Variants in ZNF248 observed in about 807,000 individuals in gnomAD.
The protein encoded by ZNF248 is zinc finger protein 248.
In ZNF248, 20 loss-of-function variants were observed where a neutral mutation model predicts 44.3. That is an observed-to-expected ratio of 0.45 (90% CI 0.32 to 0.66). ZNF248 has a LOEUF of 0.66. Among genes scored for constraint, ZNF248 ranks in the 30% least tolerant of loss-of-function variants. The pLI, the probability that ZNF248 is intolerant of heterozygous loss-of-function variation, is 0.04. For missense variants in ZNF248, 654 were observed against 677.0 expected (o/e 0.97, Z 0.38); for synonymous variants, 224 against 229.0 (o/e 0.98, Z 0.20).
chr10:37,777,998 G>A (rs1403537977), intron 6 of ZNF248, among the ~76,000 whole-genome samples: 174 of 151,926 alleles, frequency 1.1e-3, no homozygotes, highest in African/African-American at 3.8e-3. Context: ...ATAAACATAC[G>A]TGTGCATGTG....
At chr10:37,817,214 C>T (rs563132192) in intron 6 of ZNF248, among the ~76,000 whole-genome samples, 18 of 152,144 alleles carry the variant, frequency 1.2e-4, no homozygotes, top group African/African-American at 2.2e-4. Context: ...GGGAGGAAGA[C>T]GGGAGGGCAC....
rs1034766534 is a variant in ZNF248 at position 37,832,799 on chromosome 10, C to T, written c.556G>A (p.Gly186Arg). ...TGATCATATTTATAAGACTTCTCTC[C>T]AATAGGGATTTTCTCATGCCTAATA... ...LDIRHEKIPI[G>R]EKSYKYDQKR... is the part of the protein sequence containing the mutation. Residue 186 changes from glycine to arginine, a missense_variant, in exon 6 of 6, where the codon GGA becomes AGA. Coordinates refer to ENST00000395867, the MANE Select transcript of ZNF248 (RefSeq NM_021045.3). The T allele has an allele frequency of 3.1e-6, 5 of 1,613,688 alleles. No individual in the cohort carries two copies. Among genetic ancestry groups the T allele is most frequent in the Non-Finnish European group, 4.2e-6 (5 of 1,179,860 alleles).
chr10:37,810,681 CTA>C (rs1393812510), intron 6 of ZNF248, among the ~76,000 whole-genome samples: 1 of 152,068 alleles, frequency 6.6e-6, no homozygotes, highest in Non-Finnish European at 1.5e-5. Flanking sequence ...AGATACTAGT[CTA>C]TTTTATCATT....
the ZNF248 span, among the ~76,000 whole-genome samples, chr10:37,770,751 C>T: frequency 6.6e-6 from 1 of 152,144 alleles, no homozygotes; most frequent in African/African-American, 2.4e-5. Flanking sequence ...GCAATGGCAA[C>T]AAAAGACAAA....
chr10:37,762,500 A>C, the ZNF248 span, among the ~76,000 whole-genome samples: 21 of 152,330 alleles, frequency 1.4e-4, no homozygotes, highest in African/African-American at 4.6e-4. Context: ...GGGTAAGCAA[A>C]CTTTGGACCA....
intron 6 of ZNF248, among the ~76,000 whole-genome samples, chr10:37,821,647 C>T (rs908927785): frequency 1.3e-5 from 2 of 152,206 alleles, no homozygotes; most frequent in Non-Finnish European, 2.9e-5. Flanking sequence ...AAGGCAACCA[C>T]AGCCAACCCA....
At position 37,820,013 on chromosome 10, in the gene ZNF248, T is replaced by C; in HGVS notation, c.330+13012A>G. 3.8e-6 allele frequency: 3 copies of C among 785,074 alleles called. No individual in the cohort carries two copies. In the South Asian group the frequency reaches 4.1e-5, roughly 11 times the overall value. 48.6% of individuals were successfully genotyped at this position (785,074 alleles called of 1,614,324 possible). ...TTATCTCTACATGCCATCTTCTCTT[T>C]TTGACTTTTCTATGAGGACTTTCTT... On this transcript the variant is annotated intron_variant, in intron 6 of 6. Coordinates refer to the ZNF248 transcript ENST00000615949.
Position 37,831,748 on chromosome 10 carries a change from G to T in ZNF248, c.1607C>A (p.Thr536Asn), listed in dbSNP as rs372866940. 5 of 1,613,174 alleles carry T rather than the reference G, an allele frequency of 3.1e-6. No individual in the cohort carries two copies. The highest frequency in any genetic ancestry group is 1.3e-5 in the African/African-American group (1 of 74,906). ...CCCTGTGTGAGTCCTCTGATGTTTA[G>T]TGAGAGCTGATTTTTCACAGAAGGT... Reference protein sequence around the residue: ...GKTFCEKSALTKHQRTHTGEK... With the variant: ...GKTFCEKSALNKHQRTHTGEK... Residue 536 changes from threonine to asparagine, a missense_variant, in exon 6 of 6, where the codon ACT becomes AAT. Transcript: ENST00000395867.
rs1421674292 is a variant in ZNF248 at position 37,832,304 on chromosome 10, A to C, written c.1051T>G (p.Ser351Ala). ...CTCCCATTTTCATTGTAATCATAAG[A>C]CTTTCCCCCCATGTGTACTATTTGA... ...KHQIVHMGGK[S>A]YDYNENGSNF... The change falls in exon 6 of 6, where the codon TCT becomes GCT. Residue 351 changes from serine (S) to alanine (A), a missense_variant. Physicochemically the swap from Ser to Ala is moderately conservative, Grantham distance 99. Coordinates refer to ENST00000395867, the MANE Select transcript of ZNF248 (RefSeq NM_021045.3). 6.2e-7 allele frequency: 1 copy of C among 1,613,974 alleles called. No homozygotes were observed. The highest frequency in any genetic ancestry group is 1.1e-5 in the South Asian group (1 of 91,074).
At chr10:37,823,552 A>G (rs138835733) in intron 6 of ZNF248, among the ~76,000 whole-genome samples, 26 of 152,040 alleles carry the variant, frequency 1.7e-4, no homozygotes, top group African/African-American at 6.3e-4. Flanking sequence ...AAGCTTGACT[A>G]GAGATGTGTC....
chr10:37,850,933 T>G (rs2060121340), intron 3 of ZNF248, among the ~76,000 whole-genome samples: 1 of 152,106 alleles, frequency 6.6e-6, no homozygotes, highest in Non-Finnish European at 1.5e-5. Context: ...GCATCATCCG[T>G]AACAAAATAT....
chr10:37,800,072 A>C (rs946119995), intron 6 of ZNF248, among the ~76,000 whole-genome samples: 1 of 152,134 alleles, frequency 6.6e-6, no homozygotes, highest in Non-Finnish European at 1.5e-5. Context: ...AAAGAAAAGA[A>C]AGAAAAAAGA....
chr10:37,768,916 G>A, the ZNF248 span, among the ~76,000 whole-genome samples: 23 of 151,890 alleles, frequency 1.5e-4, no homozygotes, highest in Middle Eastern at 3.2e-3. Flanking sequence ...TCAAACAGAC[G>A]CAATAAAAAA....
At chr10:37,837,841 G>C in intron 4 of ZNF248, 129 bp from the exon 5 acceptor site, 4 of 1,354,006 alleles carry the variant, frequency 3.0e-6, no homozygotes, top group Non-Finnish European at 4.1e-6. Context: ...ACCAATCTCT[G>C]ACAAGGCAAG....
chr10:37,760,767 G>A, the ZNF248 span, among the ~76,000 whole-genome samples: 1 of 152,124 alleles, frequency 6.6e-6, no homozygotes, highest in Non-Finnish European at 1.5e-5. Context: ...CCAAGAGGCA[G>A]AGGTTGCAGT....
chr10:37,789,622 T>C (rs1459518685), intron 6 of ZNF248, among the ~76,000 whole-genome samples: 1 of 152,210 alleles, frequency 6.6e-6, no homozygotes, highest in African/African-American at 2.4e-5. Context: ...TCCAAAAATG[T>C]ACCCAAGTAC....
intron 6 of ZNF248, among the ~76,000 whole-genome samples, chr10:37,818,311 A>G (rs923490344): frequency 6.6e-6 from 1 of 152,078 alleles, no homozygotes; most frequent in Non-Finnish European, 1.5e-5. Flanking sequence ...AGTACATGGA[A>G]CCAGTTTTTC....
chr10:37,821,314 G>A (rs187922526), intron 6 of ZNF248, among the ~76,000 whole-genome samples: 3 of 152,102 alleles, frequency 2.0e-5, no homozygotes, highest in East Asian at 1.9e-4. Context: ...ACTGCCATTC[G>A]CATTTAGAGA....
At chr10:37,819,688 G>C in intron 6 of ZNF248, 3 of 788,804 alleles carry the variant, frequency 3.8e-6, no homozygotes, top group Non-Finnish European at 7.0e-6. Flanking sequence ...GACCTAACCG[G>C]AGTTTGAAGA....
Sources: allele counts gnomAD v4.1 joint callset (sites outside exome capture counted in the v4.1 genomes callset), GRCh38; gene constraint gnomAD v4.1.1; transcripts MANE v1.5; gene names NCBI Gene and HGNC (gene_info 2026-07-23, HGNC 2026-07-21).